SPATA16: variants seen among roughly 807,000 people sequenced by gnomAD.
SPATA16 encodes spermatogenesis associated 16.
A neutral mutation model predicts 63.3 loss-of-function variants in SPATA16; 36 were observed. That is an observed-to-expected ratio of 0.57 (90% confidence interval 0.44 to 0.75). The LOEUF is 0.75. Ranked by LOEUF, SPATA16 falls within the 30% of genes least tolerant of loss-of-function variation. The pLI is 0.00. For missense variants in SPATA16, 646 were observed against 679.3 expected (o/e 0.95, Z 0.54); for synonymous variants, 203 against 216.7 (o/e 0.94, Z 0.56).
At chr3:172,889,980 G>T (rs932227478) in intron 10 of SPATA16, among the ~76,000 whole-genome samples, 1 of 152,156 alleles carries the variant, frequency 6.6e-6, no homozygotes, top group South Asian at 2.1e-4. Flanking sequence ...GTTTTTAATG[G>T]TCAGTAAAAC....
intron 5 of SPATA16, among the ~76,000 whole-genome samples, chr3:172,963,057 C>T (rs1342384785): frequency 1.3e-5 from 2 of 152,048 alleles, no homozygotes; most frequent in African/African-American, 4.8e-5. Context: ...TCAAGATTTA[C>T]ATTTTTATGA....
chr3:173,054,582 A>G (rs540273221), intron 2 of SPATA16, among the ~76,000 whole-genome samples: 59 of 152,214 alleles, frequency 3.9e-4, no homozygotes, highest in African/African-American at 1.4e-3. Flanking sequence ...GGAGTCGAAC[A>G]CTGAGAACTC....
chr3:172,963,957 T>A (rs1733847787), intron 5 of SPATA16, among the ~76,000 whole-genome samples: 1 of 152,208 alleles, frequency 6.6e-6, no homozygotes, highest in African/African-American at 2.4e-5. Context: ...GATCAAGTTT[T>A]GATTCCCTTC....
At chr3:173,114,958 A>AATT (rs1737855671) in intron 2 of SPATA16, among the ~76,000 whole-genome samples, 1 of 152,196 alleles carries the variant, frequency 6.6e-6, no homozygotes, top group Non-Finnish European at 1.5e-5. Context: ...AATTAGACAA[A>AATT]AGCTAGGCCA....
chr3:173,012,703 G>T (rs1213382369), intron 4 of SPATA16, among the ~76,000 whole-genome samples: 2 of 152,208 alleles, frequency 1.3e-5, no homozygotes, highest in African/African-American at 4.8e-5. Flanking sequence ...AATAAATGAT[G>T]CTAGGACAGC....
chr3:172,916,487 C>G lies in SPATA16; in HGVS notation c.1339-6G>C, dbSNP rs200709576. ...GAGGATGCAGGAAAACTCCCCTAGT[C>G]TCAAAGTAAAAGAAATGTTTTAGAA... On this transcript the variant is annotated splice_region_variant and splice_polypyrimidine_tract_variant and intron_variant, in intron 8 of 10. Coordinates refer to ENST00000351008, the MANE Select transcript of SPATA16 (RefSeq NM_031955.6). 26 of 1,613,430 alleles carry G rather than the reference C, an allele frequency of 1.6e-5. No homozygotes were observed. The highest frequency in any genetic ancestry group is 2.2e-5 in the Non-Finnish European group (26 of 1,179,600).
chr3:173,137,187 G>T (rs1231489183), intron 1 of SPATA16, among the ~76,000 whole-genome samples: 2 of 152,180 alleles, frequency 1.3e-5, no homozygotes, highest in Non-Finnish European at 2.9e-5. Context: ...GAATGTCCCA[G>T]AAAGAAGCAG....
At chr3:173,128,271 G>A (rs1738279622) in intron 1 of SPATA16, among the ~76,000 whole-genome samples, 4 of 152,092 alleles carry the variant, frequency 2.6e-5, no homozygotes, top group Admixed American at 2.0e-4. Context: ...GCATAAAGTA[G>A]GCAGAATAAG....
chr3:173,074,528 G>A (rs981873296), intron 2 of SPATA16, among the ~76,000 whole-genome samples: 1 of 152,158 alleles, frequency 6.6e-6, no homozygotes, highest in African/African-American at 2.4e-5. Flanking sequence ...TTTCTTGTCT[G>A]CCACCATGTA....
intron 6 of SPATA16, among the ~76,000 whole-genome samples, chr3:172,955,139 G>A (rs1293274449): frequency 6.6e-6 from 1 of 152,090 alleles, no homozygotes; most frequent in Non-Finnish European, 1.5e-5. Context: ...TGTTATTATT[G>A]TTTTTAAACT....
intron 8 of SPATA16, 58 bp downstream of exon 8, chr3:172,924,150 C>T: frequency 7.3e-7 from 1 of 1,361,950 alleles, no homozygotes; most frequent in Non-Finnish European, 1.0e-6. Context: ...GCCTTATATA[C>T]TTCTAGAATT....
chr3:173,089,136 T>C (rs149756935), intron 2 of SPATA16, among the ~76,000 whole-genome samples: 22 of 152,236 alleles, frequency 1.4e-4, no homozygotes, highest in East Asian at 3.9e-4. Flanking sequence ...AAATAAGAGA[T>C]AGGTTCTCCA....
intron 6 of SPATA16, among the ~76,000 whole-genome samples, chr3:172,938,442 C>G (rs866227283): frequency 1.3e-5 from 2 of 152,028 alleles, no homozygotes; most frequent in African/African-American, 4.8e-5. Context: ...TGGACATTGA[C>G]GAGGATGAAA....
intron 2 of SPATA16, among the ~76,000 whole-genome samples, chr3:173,086,406 G>A (rs1297085497): frequency 6.6e-6 from 1 of 151,978 alleles, no homozygotes; most frequent in African/African-American, 2.4e-5. Flanking sequence ...TTTCTATGAT[G>A]TCTATTTGAT....
rs186859427 is a variant in SPATA16, at chr3:173,119,016, A to G, written c.-18-1267T>C. 1.3e-3 allele frequency among the ~76,000 whole-genome samples: 203 copies of G among 152,292 alleles called. 1 individual carries two copies. The highest frequency in any genetic ancestry group is 3.4e-3 in the Middle Eastern group (1 of 294). Reference sequence around the variant, plus strand: ...CTTATTAATGTTGTTGATTGTCTTCATTTGTTTGTTTGGAAGACAGTAGTT... The same window carrying G: ...CTTATTAATGTTGTTGATTGTCTTCGTTTGTTTGTTTGGAAGACAGTAGTT... On this transcript the variant is annotated intron_variant, in intron 1 of 10. Coordinates refer to ENST00000351008, the MANE Select transcript of SPATA16 (RefSeq NM_031955.6).
At chr3:172,988,754 A>C (rs550403028) in intron 4 of SPATA16, among the ~76,000 whole-genome samples, 1 of 152,282 alleles carries the variant, frequency 6.6e-6, no homozygotes, top group South Asian at 2.1e-4. Flanking sequence ...CTCCTGCCTC[A>C]GCCTCCCGAG....
intron 4 of SPATA16, among the ~76,000 whole-genome samples, chr3:172,989,560 A>G (rs7622004): frequency 0.12 from 18,625 of 152,218 alleles, 1,474 homozygotes; most frequent in Non-Finnish European, 0.18. Flanking sequence ...GACTTTGGAC[A>G]AGTTACTTAA....
intron 3 of SPATA16, among the ~76,000 whole-genome samples, chr3:173,024,641 C>T (rs1041520348): frequency 6.6e-6 from 1 of 150,498 alleles, no homozygotes; most frequent in Admixed American, 6.6e-5. Flanking sequence ...TAAAAAAATT[C>T]ATTTAAAAAA....
intron 6 of SPATA16, among the ~76,000 whole-genome samples, chr3:172,933,068 A>G (rs952270085): frequency 6.6e-6 from 1 of 152,144 alleles, no homozygotes; most frequent in Admixed American, 6.6e-5. Context: ...GCTGTATTGG[A>G]TCTTTATTCT....
Sources: gnomAD v4.1 joint callset for allele counts (sites outside exome capture counted in the v4.1 genomes callset) on GRCh38, gnomAD v4.1.1 for gene constraint, MANE v1.5 for transcripts, NCBI Gene and HGNC (gene_info 2026-07-23, HGNC 2026-07-21) for gene names.